Variants in MAPKBP1 observed in about 807,000 individuals in gnomAD.
The protein encoded by MAPKBP1 is mitogen-activated protein kinase binding protein 1, also known as mitogen-activated protein kinase-binding protein 1.
Under a neutral mutation model 170.5 loss-of-function variants are expected in MAPKBP1, and 71 were observed. The observed-to-expected ratio is 0.42, with a 90% CI of 0.34 to 0.51. The LOEUF (loss-of-function observed/expected upper bound fraction) is 0.51. MAPKBP1 is among the 20% of genes least tolerant of loss of function. The pLI, the probability that MAPKBP1 is intolerant of heterozygous loss-of-function variation, is 0.06. For synonymous variants in MAPKBP1, 719 were observed against 757.9 expected, an observed-to-expected ratio of 0.95 and a Z score of 0.84; for missense variants, 1,598 against 1,933.0, an observed-to-expected ratio of 0.83 and a Z score of 3.25.
At chr15:41,798,902 C>T (rs545325382) in intron 2 of MAPKBP1, among the ~76,000 whole-genome samples, 19 of 152,294 alleles carry the variant, frequency 1.2e-4, no homozygotes, top group Admixed American at 7.8e-4. Flanking sequence ...GCAGGGAGTG[C>T]ACAGTCCTGG....
At chr15:41,810,814 G>A in intron 3 of MAPKBP1, 69 bp from the exon 4 acceptor site, 1 of 1,357,166 alleles carries the variant, frequency 7.4e-7, no homozygotes. Flanking sequence ...TGGAAGTCCT[G>A]GGTGGCCTGG....
intron 2 of MAPKBP1, among the ~76,000 whole-genome samples, chr15:41,797,472 G>C (rs572525125): frequency 3.5e-4 from 54 of 152,278 alleles, no homozygotes; most frequent in Non-Finnish European, 5.6e-4. Context: ...CCTCCTCTGG[G>C]AGAGTTGAAG....
chr15:41,784,602 T>C (rs1242013407), intron 2 of MAPKBP1, among the ~76,000 whole-genome samples: 1 of 151,816 alleles, frequency 6.6e-6, no homozygotes, highest in Non-Finnish European at 1.5e-5. Flanking sequence ...GCCAACATGC[T>C]GAAACCCCGT....
chr15:41,811,856 C>A, intron 5 of MAPKBP1, 101 bp from the exon 6 acceptor site: 2 of 1,175,876 alleles, frequency 1.7e-6, no homozygotes, highest in Non-Finnish European at 2.5e-6. Context: ...GTGATGGTAT[C>A]TAGTAGCTGA....
At position 41,814,724 on chromosome 15, in the gene MAPKBP1, C is replaced by T. The variant is rs2152079808; in HGVS notation, c.1155C>T (p.Cys385=). The stretch of plus-strand genomic sequence containing the variant: ...ACTCGGCTCTGTATCATTCTTCCTG[C>T]GTCTGGAGTGTGGAGGTATGTGGGC... ...KVYSALYHSS[C]VWSVEVYPEV... is the part of the protein sequence containing the mutation. The change falls in exon 10 of 31, where the codon TGC becomes TGT. Residue 385 remains cysteine, a synonymous_variant. Transcript: ENST00000457542. 4 of 1,614,134 alleles carry T rather than the reference C, an allele frequency of 2.5e-6. No individual in the cohort carries two copies. The highest frequency in any genetic ancestry group is 3.4e-6 in the Non-Finnish European group (4 of 1,180,010).
At chr15:41,800,471 T>G (rs1183486944) in intron 3 of MAPKBP1, among the ~76,000 whole-genome samples, 1 of 151,822 alleles carries the variant, frequency 6.6e-6, no homozygotes, top group African/African-American at 2.4e-5. Context: ...GTCTCCCGAG[T>G]AGCTGGGACT....
rs768589210 is a variant in MAPKBP1 at position 41,818,839 on chromosome 15, C to T, written c.2173C>T (p.Arg725Cys). The change falls in exon 20 of 31, where the codon CGC becomes TGC. Residue 725 changes from arginine (R) to cysteine (C), a missense_variant. Coordinates refer to ENST00000457542, the MANE Select transcript of MAPKBP1 (RefSeq NM_014994.3). This position sits in a 1 kb window ranked among gnomAD's most constrained non-coding sequence, Gnocchi z 5.2. Reference sequence around the variant, plus strand: ...TTACCCCAGCTGCATATTTGTGTGGCGCCTGAGCTCTGAGATGACCATCAG... The same window carrying T: ...TTACCCCAGCTGCATATTTGTGTGGTGCCTGAGCTCTGAGATGACCATCAG... ...VSGDSCIFVW[R>C]LSSEMTISMR... 4 of 1,614,134 alleles carry T rather than the reference C, an allele frequency of 2.5e-6. No individual in the cohort carries two copies. The highest frequency in any genetic ancestry group is 2.2e-5 in the South Asian group (2 of 91,084).
At position 41,825,341 on chromosome 15, in the gene MAPKBP1, G is replaced by A; in HGVS notation, c.4432G>A (p.Gly1478Arg). ...GCTGTCCAGCCCAGGCAGCAGCCCT[G>A]GGGCTGTGGGAGCCGAGCAGACACA... ...AVLSSPGSSPGAVGAEQTQAL... is the reference protein window; with the variant it reads ...AVLSSPGSSPRAVGAEQTQAL... Residue 1478 changes from glycine to arginine, a missense_variant, in exon 31 of 31, where the codon GGG (glycine) becomes AGG (arginine). Around this residue, in one of 6 missense-constraint regions of MAPKBP1, gnomAD observed 942 missense variants for 953.2 expected, o/e 0.99. Transcript: ENST00000457542. 1 of 1,613,464 alleles carries A rather than the reference G, an allele frequency of 6.2e-7. No homozygotes were observed. Among genetic ancestry groups the A allele is most frequent in the Non-Finnish European group, 8.5e-7 (1 of 1,180,006 alleles).
intron 5 of MAPKBP1, chr15:41,811,654 C>T (rs952573411): frequency 2.7e-5 from 17 of 632,906 alleles, no homozygotes; most frequent in Non-Finnish European, 4.4e-5. Flanking sequence ...CAGAAATAGA[C>T]CTGAGTGGTA....
chr15:41,813,352 G>A, intron 8 of MAPKBP1: 2 of 1,526,696 alleles, frequency 1.3e-6, no homozygotes, highest in Non-Finnish European at 9.1e-7. Flanking sequence ...TTCACAGTAA[G>A]TGGTGCCTGC....
chr15:41,821,437 T>C, intron 23 of MAPKBP1, 147 bp from the exon 24 acceptor site: 1 of 729,776 alleles, frequency 1.4e-6, no homozygotes, highest in South Asian at 1.8e-5. Flanking sequence ...CAGCTTCCCC[T>C]TGAATGAGTG....
chr15:41,819,557 G>GGGGGGGGGGGC (rs1555454017), intron 21 of MAPKBP1, 38 bp from the exon 22 acceptor site: 3 of 1,384,800 alleles, frequency 2.2e-6, no homozygotes, highest in Admixed American at 1.7e-5. Context: ...CGGGGGGGGG[G>GGGGGGGGGGGC]CAGGAGACAC....
chr15:41,786,777 A>AAAAAAAAAAAATATATATATAT lies in MAPKBP1; in HGVS notation c.114+11389_114+11390insAAAAAAAAAATATATATATATA. On this transcript the variant is annotated intron_variant, in intron 2 of 30. Coordinates refer to ENST00000457542, the MANE Select transcript of MAPKBP1 (RefSeq NM_014994.3). ...CAGACTCCGTCTAAAAAAAAAAAAA[A>AAAAAAAAAAAATATATATATAT]ATATATATATATATATATATATATA... Among the ~76,000 whole-genome samples, 16 of 32,442 alleles carry AAAAAAAAAAAATATATATATAT rather than the reference A, an allele frequency of 4.9e-4. 1 individual carries two copies. The highest frequency in any genetic ancestry group is 7.8e-4 in the Non-Finnish European group (14 of 18,008). The allele number at this position is 32,442 out of a possible 152,430, so 21.3% of individuals were successfully genotyped here. A position where few individuals can be genotyped will look rare whatever the true frequency, so the allele number is the denominator to read the frequency against.
chr15:41,821,527 C>A (rs1226242848), intron 23 of MAPKBP1, 57 bp from the exon 24 acceptor site: 2 of 1,562,150 alleles, frequency 1.3e-6, no homozygotes, highest in Non-Finnish European at 8.8e-7. Context: ...TACCCCCCAG[C>A]TACCACTGCC....
In MAPKBP1 at chr15:41,823,919, T is replaced by A; in HGVS notation, c.4071T>A (p.Pro1357=). The change falls in exon 29 of 31, where the codon CCT becomes CCA. Residue 1357 remains proline, a synonymous_variant. Transcript: ENST00000457542. ...PKPRTECQAH[P]GPSSPCAQQL... The stretch of plus-strand genomic sequence containing the variant: ...CTAGGACAGAGTGCCAGGCTCATCC[T>A]GGGCCCAGCAGCCCCTGTGCCCAGC... 1 of 1,614,136 alleles carries A rather than the reference T, an allele frequency of 6.2e-7. No individual in the cohort carries two copies. Among genetic ancestry groups the A allele is most frequent in the Non-Finnish European group, 8.5e-7 (1 of 1,180,032 alleles).
Position 41,825,863 on chromosome 15 carries a change from G to A in MAPKBP1, c.*427G>A, listed in dbSNP as rs543720794. ...AGAGGTGATGTGGTATTCAGTGCCC[G>A]TCAGCCAACTGTGGGCCTTCACCTC... On this transcript the variant is annotated 3_prime_UTR_variant, in exon 31 of 31. Coordinates refer to ENST00000457542, the MANE Select transcript of MAPKBP1 (RefSeq NM_014994.3). 5.2e-4 allele frequency: 81 copies of A among 155,712 alleles called. No homozygotes were observed. The South Asian group carries it at 8.6e-3, about 16-fold the overall frequency. The allele number at this position is 155,712 out of a possible 1,614,324, so 9.6% of individuals were successfully genotyped here.
chr15:41,826,671 CG>C lies in MAPKBP1; in HGVS notation c.*1238del, dbSNP rs774291934. 9.2e-5 allele frequency: 14 copies of C among 151,914 alleles called. No homozygotes were observed. The South Asian group carries it at 1.7e-3, about 18-fold the overall frequency. The allele number at this position is 151,914 out of a possible 1,614,324, so 9.4% of individuals were successfully genotyped here. A position where few individuals can be genotyped will look rare whatever the true frequency, so the allele number is the denominator to read the frequency against. On this transcript the variant is annotated 3_prime_UTR_variant, in exon 31 of 31. Coordinates refer to ENST00000457542, the MANE Select transcript of MAPKBP1 (RefSeq NM_014994.3). ...CCTCAAAGGCAGTGCTGGGCACCCA[CG>C]GGTGTGCTGGATACTGGAGTTTGAG... is the stretch of plus-strand genomic sequence containing the variant.
intron 8 of MAPKBP1, 152 bp from the exon 9 acceptor site, chr15:41,813,469 G>T (rs1596088496): frequency 5.7e-6 from 8 of 1,415,682 alleles, no homozygotes; most frequent in Non-Finnish European, 5.9e-6. Context: ...GCTGGACAGG[G>T]CTGAGGGGCT....
chr15:41,811,060 TG>T, intron 4 of MAPKBP1, 115 bp downstream of exon 4: 11 of 1,529,534 alleles, frequency 7.2e-6, no homozygotes, highest in Non-Finnish European at 1.0e-5. Context: ...TAAAGCCAGA[TG>T]GGGAAGTGCC....
Sources: allele counts gnomAD v4.1 joint callset (sites outside exome capture counted in the v4.1 genomes callset), GRCh38; gene constraint gnomAD v4.1.1; regional missense constraint gnomAD v4.1.1; non-coding constraint Gnocchi (gnomAD v3.1); transcripts MANE v1.5; gene names NCBI Gene and HGNC (gene_info 2026-07-23, HGNC 2026-07-21).